SGCZ: variants seen among roughly 807,000 people sequenced by gnomAD.
SGCZ encodes zeta-sarcoglycan.
A neutral mutation model predicts 41.3 loss-of-function variants in SGCZ; 40 were observed. The ratio of observed to expected loss-of-function variants is 0.97; its 90% CI spans 0.75 to 1.26. SGCZ has a LOEUF of 1.26. Ranked by LOEUF, SGCZ falls within the 50% of genes most tolerant of loss-of-function variation. The pLI is 0.00. For missense variants in SGCZ, 552 were observed against 369.8 expected (o/e 1.49, Z -4.04); for synonymous variants, 206 against 137.5 (o/e 1.50, Z -3.49).
intron 1 of SGCZ, among the ~76,000 whole-genome samples, chr8:15,208,961 T>C (rs952373348): frequency 6.6e-6 from 1 of 151,958 alleles, no homozygotes; most frequent in African/African-American, 2.4e-5. Flanking sequence ...TTAACATTTT[T>C]TCATAAATTA....
At chr8:14,408,950 A>AGTGTGTGTGTGTGTGTGTGTGTGTGT (rs36121697) in intron 2 of SGCZ, among the ~76,000 whole-genome samples, 4 of 126,312 alleles carry the variant, frequency 3.2e-5, no homozygotes, top group South Asian at 4.7e-4. Context: ...TTAAATTAAG[A>AGTGTGTGTGTGTGTGTGTGTGTGTGT]GAGTGTGTGT....
chr8:14,518,153 A>C (rs1387703516), intron 2 of SGCZ, among the ~76,000 whole-genome samples: 2 of 152,006 alleles, frequency 1.3e-5, no homozygotes, highest in Admixed American at 6.6e-5. Context: ...ATTTCATCCC[A>C]GTAAGGTTTA....
At chr8:14,343,119 G>T (rs760811716) in intron 2 of SGCZ, among the ~76,000 whole-genome samples, 2 of 152,184 alleles carry the variant, frequency 1.3e-5, no homozygotes, top group Non-Finnish European at 2.9e-5. Context: ...AATGAGGTTT[G>T]GACACCTCTG....
intron 1 of SGCZ, among the ~76,000 whole-genome samples, chr8:14,674,768 G>A (rs1808215967): frequency 6.6e-6 from 1 of 151,226 alleles, no homozygotes; most frequent in Admixed American, 6.6e-5. Flanking sequence ...TTAAAAGTGT[G>A]TAGCCCCTCC....
intron 1 of SGCZ, among the ~76,000 whole-genome samples, chr8:14,732,725 A>G (rs552880741): frequency 2.0e-5 from 3 of 152,158 alleles, no homozygotes; most frequent in Non-Finnish European, 2.9e-5. Flanking sequence ...ACCAATATGC[A>G]CAAGACAGTG....
Position 15,035,186 on chromosome 8 carries a change from G to A in SGCZ, c.39+202399C>T, listed in dbSNP as rs901034409. On this transcript the variant is annotated intron_variant, in intron 1 of 7. Transcript: ENST00000382080. ...AACACAATATAAAGAGGTGTCAACT[G>A]TGCCATCAAAAATTTAAAATGTTGA... is the stretch of plus-strand genomic sequence containing the variant. Among the ~76,000 whole-genome samples the A allele has an allele frequency of 1.2e-4, 18 of 152,200 alleles. No individual in the cohort carries two copies. The South Asian group carries it at 3.5e-3, about 30-fold the overall frequency.
intron 1 of SGCZ, among the ~76,000 whole-genome samples, chr8:14,832,639 G>C (rs563581695): frequency 6.6e-6 from 1 of 152,130 alleles, no homozygotes; most frequent in African/African-American, 2.4e-5. Flanking sequence ...ACATGAAAGG[G>C]TGTCTGCAGT....
At chr8:14,637,304 A>G (rs1040093330) in intron 1 of SGCZ, among the ~76,000 whole-genome samples, 1 of 128,940 alleles carries the variant, frequency 7.8e-6, no homozygotes, top group Non-Finnish European at 1.7e-5. Flanking sequence ...TCTATTCTCT[A>G]TTTTCATTTT....
At chr8:14,982,395 C>G (rs1801695286) in intron 1 of SGCZ, among the ~76,000 whole-genome samples, 1 of 152,110 alleles carries the variant, frequency 6.6e-6, no homozygotes, top group Admixed American at 6.5e-5. Flanking sequence ...TTCACTGAAC[C>G]TCAGTCTCAT....
intron 1 of SGCZ, among the ~76,000 whole-genome samples, chr8:14,678,666 C>T (rs760865111): frequency 6.6e-6 from 1 of 152,162 alleles, no homozygotes; most frequent in Non-Finnish European, 1.5e-5. Context: ...ATCCTATGAT[C>T]CAGCAATCGT....
intron 4 of SGCZ, among the ~76,000 whole-genome samples, chr8:14,193,868 C>A: frequency 6.6e-6 from 1 of 151,760 alleles, no homozygotes; most frequent in East Asian, 1.9e-4. Flanking sequence ...CTACCTTGAA[C>A]ATGTTTTAGG....
chr8:14,836,927 GT>G (rs1307697763), intron 1 of SGCZ, among the ~76,000 whole-genome samples: 4 of 152,114 alleles, frequency 2.6e-5, no homozygotes, highest in African/African-American at 9.7e-5. Context: ...TAACCCACTT[GT>G]CCAGCTTTAA....
At position 14,277,191 on chromosome 8, in the gene SGCZ, AAT is replaced by A. The variant is rs1800266837; in HGVS notation, c.337-39514_337-39513del. Among the ~76,000 whole-genome samples, 3 of 152,272 alleles carry A rather than the reference AAT, an allele frequency of 2.0e-5. No individual in the cohort carries two copies. The South Asian group carries it at 6.2e-4, about 32-fold the overall frequency. On this transcript the variant is annotated intron_variant, in intron 3 of 7. Coordinates refer to ENST00000382080, the MANE Select transcript of SGCZ (RefSeq NM_139167.4). The stretch of plus-strand genomic sequence containing the variant: ...CCAGAATGACACAACTGACTTTTTC[AAT>A]ATGACATGTGCCAATGTCCCCATTA...
At chr8:14,158,171 A>G (rs1803934175) in intron 5 of SGCZ, among the ~76,000 whole-genome samples, 1 of 152,078 alleles carries the variant, frequency 6.6e-6, no homozygotes, top group South Asian at 2.1e-4. Context: ...AGAAGAAAAA[A>G]CAAGCCTAGA....
At chr8:14,243,298 A>G (rs753107084) in intron 3 of SGCZ, among the ~76,000 whole-genome samples, 2 of 152,200 alleles carry the variant, frequency 1.3e-5, no homozygotes, top group Non-Finnish European at 2.9e-5. Flanking sequence ...AATCTACCTT[A>G]TCCTCAGTTC....
chr8:14,637,893 C>A (rs1206064422), intron 1 of SGCZ, among the ~76,000 whole-genome samples: 2 of 151,812 alleles, frequency 1.3e-5, no homozygotes, highest in Non-Finnish European at 2.9e-5. Flanking sequence ...GAGAAGTCTG[C>A]AAACTGCTTT....
Position 14,608,704 on chromosome 8 carries a change from T to C in SGCZ, c.40-53778A>G, listed in dbSNP as rs1366096730. Among the ~76,000 whole-genome samples the C allele has an allele frequency of 2.6e-5, 4 of 152,154 alleles. No individual in the cohort carries two copies. In the East Asian group the frequency reaches 7.8e-4, roughly 30 times the overall value. ...TGGGGGTGGATTCCTCATAAATGGC[T>C]TGGTATGGGGGATCCACCCCCACGG... On this transcript the variant is annotated intron_variant, in intron 1 of 7. Transcript: ENST00000382080.
chr8:15,076,290 T>C (rs1288078853), intron 1 of SGCZ, among the ~76,000 whole-genome samples: 2 of 151,920 alleles, frequency 1.3e-5, no homozygotes, highest in Non-Finnish European at 2.9e-5. Flanking sequence ...AAGAGGGAAG[T>C]ATATGTGTTA....
In SGCZ at chr8:15,038,504, T is replaced by C. The variant is rs528380095; in HGVS notation, c.39+199081A>G. Among the ~76,000 whole-genome samples, 167 of 150,082 alleles carry C rather than the reference T, an allele frequency of 1.1e-3. 5 individuals carry two copies. Among genetic ancestry groups the C allele is most frequent in the Non-Finnish European group, 2.4e-4 (16 of 67,378 alleles). ...ATAAGACCTTGAACTATAAAACTACTAGAAAAAAAAAACAAGGGAAAATTT... is the reference window on the plus strand; with the variant it reads ...ATAAGACCTTGAACTATAAAACTACCAGAAAAAAAAAACAAGGGAAAATTT... On this transcript the variant is annotated intron_variant, in intron 1 of 7. Transcript: ENST00000382080.
Sources: gnomAD v4.1 joint callset for allele counts (sites outside exome capture counted in the v4.1 genomes callset) on GRCh38, gnomAD v4.1.1 for gene constraint, MANE v1.5 for transcripts, NCBI Gene and HGNC (gene_info 2026-07-23, HGNC 2026-07-21) for gene names.